ABHD12: variants seen among roughly 807,000 people sequenced by gnomAD.
The protein encoded by ABHD12 is abhydrolase domain containing 12, lysophospholipase, also known as lysophosphatidylserine lipase ABHD12.
ABHD12 carries 43 observed loss-of-function variants against 58.3 expected under a neutral mutation model. The observed-to-expected ratio is 0.74, with a 90% CI of 0.58 to 0.95. The LOEUF (loss-of-function observed/expected upper bound fraction) is 0.95. Ranked by LOEUF, ABHD12 falls within the 40% of genes least tolerant of loss-of-function variation. The pLI is 0.00. For synonymous variants in ABHD12, 219 were observed against 211.2 expected (o/e 1.04, Z -0.32); for missense variants, 539 against 537.2 (o/e 1.00, Z -0.03).
intron 2 of ABHD12, among the ~76,000 whole-genome samples, chr20:25,335,356 G>A (rs1269248138): frequency 6.7e-6 from 1 of 149,774 alleles, no homozygotes; most frequent in African/African-American, 2.5e-5. Context: ...TACACTGTTG[G>A]TGGGACTGTA....
At chr20:25,307,338 C>T (rs1044585828) in intron 9 of ABHD12, among the ~76,000 whole-genome samples, 2 of 152,252 alleles carry the variant, frequency 1.3e-5, no homozygotes, top group Non-Finnish European at 2.9e-5. Flanking sequence ...AGATAAAAGG[C>T]TCTTCTGGTT....
chr20:25,345,432 G>A (rs148210328), intron 1 of ABHD12, among the ~76,000 whole-genome samples: 1 of 152,118 alleles, frequency 6.6e-6, no homozygotes, highest in African/African-American at 2.4e-5. Flanking sequence ...ATCCATGAAA[G>A]AAATATTAAC....
At chr20:25,309,942 C>T (rs1048742916) in intron 6 of ABHD12, among the ~76,000 whole-genome samples, 2 of 152,254 alleles carry the variant, frequency 1.3e-5, no homozygotes, top group Admixed American at 6.5e-5. Flanking sequence ...GAGCTGGCAC[C>T]GGCATCCTCA....
At chr20:25,349,599 A>G (rs2146059462) in intron 1 of ABHD12, among the ~76,000 whole-genome samples, 1 of 152,382 alleles carries the variant, frequency 6.6e-6, no homozygotes, top group South Asian at 2.1e-4. Flanking sequence ...ATGCTACAAC[A>G]TGGATGAACT....
intron 1 of ABHD12, among the ~76,000 whole-genome samples, chr20:25,341,884 T>C (rs1450299736): frequency 1.3e-5 from 2 of 152,128 alleles, no homozygotes; most frequent in Admixed American, 6.6e-5. Context: ...CTGGCGCCTA[T>C]GCTTGGATCA....
downstream of ABHD12, chr20:25,295,577 G>C: frequency 6.2e-7 from 1 of 1,607,448 alleles, no homozygotes; most frequent in Non-Finnish European, 8.5e-7. Flanking sequence ...CTGCTGCCCT[G>C]GCCCAGCCTC....
Position 25,323,556 on chromosome 20 carries a change from C to T in ABHD12, c.317-126G>A, listed in dbSNP as rs560878245. ...ACACGTGCACACACACACATGCACA[C>T]CCACATGCACACACTGCAGAAGCTC... On this transcript the variant is annotated intron_variant, in intron 2 of 12. Transcript: ENST00000339157. The T allele has an allele frequency of 1.5e-4, 106 of 718,804 alleles. No homozygotes were observed. In the African/African-American group the frequency reaches 1.7e-3, roughly 11 times the overall value. 44.5% of individuals were successfully genotyped at this position (718,804 alleles called of 1,614,324 possible).
At chr20:25,335,739 T>C (rs1364105519) in intron 2 of ABHD12, among the ~76,000 whole-genome samples, 7 of 147,408 alleles carry the variant, frequency 4.7e-5, no homozygotes, top group Admixed American at 3.4e-4. Flanking sequence ...TTCTCACTCA[T>C]AGGTGGGAAT....
rs889916870 is a variant in ABHD12 at position 25,390,742 on chromosome 20, G to A, written c.-39C>T. 4.8e-6 allele frequency: 6 copies of A among 1,254,736 alleles called. No individual in the cohort carries two copies. In the African/African-American group the frequency reaches 8.0e-5, roughly 17 times the overall value. The allele number at this position is 1,254,736 out of a possible 1,614,324, so 77.7% of individuals were successfully genotyped here. On this transcript the variant is annotated 5_prime_UTR_variant, in exon 1 of 13. Coordinates refer to ENST00000339157, the MANE Select transcript of ABHD12 (RefSeq NM_001042472.3). ...GGGCCAGCCGCCGACGGCGCCCGCTGGCCTGCGCCGCAGTGCCGCCGCTCA... is the reference window on the plus strand; with the variant it reads ...GGGCCAGCCGCCGACGGCGCCCGCTAGCCTGCGCCGCAGTGCCGCCGCTCA...
chr20:25,327,656 C>T (rs1479835513), intron 2 of ABHD12, among the ~76,000 whole-genome samples: 1 of 152,026 alleles, frequency 6.6e-6, no homozygotes, highest in Non-Finnish European at 1.5e-5. Flanking sequence ...AAGATGATAC[C>T]CTTTTCTGGA....
intron 1 of ABHD12, among the ~76,000 whole-genome samples, chr20:25,386,464 G>A (rs928632124): frequency 2.6e-5 from 4 of 151,690 alleles, no homozygotes; most frequent in Admixed American, 6.6e-5. Flanking sequence ...GGTTTCACCC[G>A]TCAGCCAGGA....
chr20:25,305,645 G>A (rs2088722883), intron 10 of ABHD12, among the ~76,000 whole-genome samples: 1 of 152,028 alleles, frequency 6.6e-6, no homozygotes, highest in South Asian at 2.1e-4. Flanking sequence ...ACAGGCATGA[G>A]CCACCACGCC....
At chr20:25,339,443 G>A in intron 1 of ABHD12, 92 bp from the exon 2 acceptor site, 1 of 1,585,440 alleles carries the variant, frequency 6.3e-7, no homozygotes, top group Non-Finnish European at 8.6e-7. Flanking sequence ...CTAAACAAGA[G>A]CCACACATAT....
chr20:25,374,791 C>T (rs1319134105), intron 1 of ABHD12, among the ~76,000 whole-genome samples: 2 of 152,184 alleles, frequency 1.3e-5, no homozygotes, highest in Admixed American at 1.3e-4. Flanking sequence ...TGAGCCACCA[C>T]GCCCAGCCTA....
intron 1 of ABHD12, among the ~76,000 whole-genome samples, chr20:25,347,540 C>T (rs547685257): frequency 2.0e-4 from 31 of 152,152 alleles, no homozygotes; most frequent in African/African-American, 7.5e-4. Context: ...AAGGATAAAT[C>T]TTGGCCAGGT....
chr20:25,311,531 G>C (rs377642920), intron 6 of ABHD12, among the ~76,000 whole-genome samples: 1 of 152,212 alleles, frequency 6.6e-6, no homozygotes, highest in Non-Finnish European at 1.5e-5. Context: ...ATAGCAGCAA[G>C]AGAGAATTAA....
intron 1 of ABHD12, 113 bp from the exon 2 acceptor site, chr20:25,339,464 A>G: frequency 6.6e-7 from 1 of 1,511,764 alleles, no homozygotes; most frequent in African/African-American, 1.4e-5. Context: ...TTTTTTTTCC[A>G]CAAGGATACT....
intron 1 of ABHD12, among the ~76,000 whole-genome samples, chr20:25,386,555 C>T (rs934885215): frequency 2.6e-5 from 4 of 151,766 alleles, no homozygotes; most frequent in Non-Finnish European, 4.4e-5. Context: ...CCACCGAGCC[C>T]GGCCTCATGA....
At chr20:25,388,149 TGAA>T (rs36023322) in intron 1 of ABHD12, among the ~76,000 whole-genome samples, 127,839 of 151,416 alleles carry the variant, frequency 0.84, 54,257 homozygotes, top group African/African-American at 0.92. Context: ...GATGGACACA[TGAA>T]GAAGGCTCAT....
Sources: gnomAD v4.1 joint callset for allele counts (sites outside exome capture counted in the v4.1 genomes callset) on GRCh38, gnomAD v4.1.1 for gene constraint, MANE v1.5 for transcripts, NCBI Gene and HGNC (gene_info 2026-07-23, HGNC 2026-07-21) for gene names.